TSEN2: variants seen among roughly 807,000 people sequenced by gnomAD.
The protein encoded by TSEN2 is tRNA-splicing endonuclease subunit Sen2.
TSEN2 carries 54 observed loss-of-function variants against 59.2 expected under a neutral mutation model. The ratio of observed to expected loss-of-function variants is 0.91; its 90% CI spans 0.73 to 1.14. The LOEUF (loss-of-function observed/expected upper bound fraction) is 1.14. TSEN2 is among the 50% of genes most tolerant of loss of function. The probability of loss-of-function intolerance (pLI) is 0.00; values close to 1 mark genes in which losing one functional copy is unlikely to be tolerated. For missense variants in TSEN2, 636 were observed against 576.2 expected (o/e 1.10, Z -1.06); for synonymous variants, 195 against 198.2 (o/e 0.98, Z 0.14).
chr3:12,496,255 A>G lies in TSEN2; in HGVS notation c.272-263A>G, dbSNP rs7613355. 0.026 allele frequency among the ~76,000 whole-genome samples: 3,937 copies of G among 152,334 alleles called. 175 individuals carry two copies. Among genetic ancestry groups the G allele is most frequent in the African/African-American group, 0.088 (3,667 of 41,570 alleles). On this transcript the variant is annotated intron_variant, in intron 3 of 11. Transcript: ENST00000284995. ...GTTTCCTCCTGTGCTGTTGCTGCTT[A>G]GCTGGAGCCCTGAGTTGAGAAGAAT...
chr3:12,528,775 T>C, intron 8 of TSEN2, 113 bp from the exon 9 acceptor site: 1 of 1,058,554 alleles, frequency 9.4e-7, no homozygotes, highest in Non-Finnish European at 1.4e-6. Flanking sequence ...GATTATTGAG[T>C]ATTTGCTTCC....
intron 7 of TSEN2, among the ~76,000 whole-genome samples, chr3:12,517,978 G>T (rs1575406084): frequency 6.6e-6 from 1 of 152,018 alleles, no homozygotes; most frequent in Non-Finnish European, 1.5e-5. Flanking sequence ...TATAATCTTA[G>T]GCTGGGACAA....
At position 12,486,993 on chromosome 3, in the gene TSEN2, AACATTCACAT is replaced by A. The variant is rs1295547158; in HGVS notation, c.-18+2117_-18+2126del. ...TGCTATTATGAATAATACTGTTGTGAACATTCACATACAAATTTTTCCATGAACATATGTT... is the reference window on the plus strand; with the variant it reads ...TGCTATTATGAATAATACTGTTGTGAACAAATTTTTCCATGAACATATGTT... On this transcript the variant is annotated intron_variant, in intron 1 of 11. Transcript: ENST00000284995. Among the ~76,000 whole-genome samples the A allele has an allele frequency of 3.9e-5, 6 of 152,320 alleles. No individual in the cohort carries two copies. The East Asian group carries it at 1.2e-3, about 29-fold the overall frequency.
chr3:12,489,748 G>A, intron 1 of TSEN2, 36 bp from the exon 2 acceptor site: 1 of 1,575,876 alleles, frequency 6.3e-7, no homozygotes, highest in Non-Finnish European at 8.6e-7. Context: ...GTTATTGATT[G>A]TCTGTTTCTT....
downstream of TSEN2, chr3:12,533,744 A>C (rs185096178): frequency 6.6e-5 from 10 of 151,300 alleles, no homozygotes; most frequent in Admixed American, 2.0e-4. Flanking sequence ...TAGAATACTT[A>C]GGCTAAGGTG....
Position 12,517,357 on chromosome 3 carries a change from C to CAAAAAAAAAAAAAAAAA in TSEN2, c.960+710_960+711insAAAAAAAAAAAAAAAAA, listed in dbSNP as rs10663207. ...TGGGCGACAGACCGAGACTCTGTCT[C>CAAAAAAAAAAAAAAAAA]AAAAAAAAAAAAAAGAATTTGCAGA... On this transcript the variant is annotated intron_variant, in intron 7 of 11. Coordinates refer to ENST00000284995, the MANE Select transcript of TSEN2 (RefSeq NM_025265.4). 8.5e-4 allele frequency among the ~76,000 whole-genome samples: 69 copies of CAAAAAAAAAAAAAAAAA among 81,430 alleles called. 3 individuals carry two copies. The highest frequency in any genetic ancestry group is 6.9e-3 in the South Asian group (19 of 2,746). The allele number at this position is 81,430 out of a possible 152,430, so 53.4% of individuals were successfully genotyped here. A position where few individuals can be genotyped will look rare whatever the true frequency, so the allele number is the denominator to read the frequency against.
At chr3:12,492,428 A>G (rs2053308644) in intron 3 of TSEN2, among the ~76,000 whole-genome samples, 1 of 152,180 alleles carries the variant, frequency 6.6e-6, no homozygotes, top group Admixed American at 6.5e-5. Flanking sequence ...TCAAGTGTTA[A>G]TTGGGCTTTT....
chr3:12,510,547 G>A (rs1342489725), intron 6 of TSEN2, among the ~76,000 whole-genome samples: 2 of 152,220 alleles, frequency 1.3e-5, no homozygotes, highest in Non-Finnish European at 2.9e-5. Flanking sequence ...AGGGTCGGGC[G>A]ACAGCTCTCC....
At chr3:12,490,046 T>C in intron 2 of TSEN2, 57 bp downstream of exon 2, 3 of 1,526,054 alleles carry the variant, frequency 2.0e-6, no homozygotes, top group Non-Finnish European at 2.7e-6. Context: ...CAAGCAGTCC[T>C]TTCCTTCTCC....
downstream of TSEN2, among the ~76,000 whole-genome samples, chr3:12,537,961 G>T (rs2057715864): frequency 6.6e-6 from 1 of 152,150 alleles, no homozygotes; most frequent in Admixed American, 6.5e-5. Context: ...GGGCAAATTG[G>T]AATTCTTTCA....
chr3:12,505,287 T>A, intron 6 of TSEN2, 56 bp downstream of exon 6: 2 of 1,055,970 alleles, frequency 1.9e-6, no homozygotes, highest in Non-Finnish European at 3.0e-6. Flanking sequence ...TGAACTACAC[T>A]ATATGTGAAC....
At position 12,519,198 on chromosome 3, in the gene TSEN2, G is replaced by A. The variant is rs149417061; in HGVS notation, c.1099+1G>A. The A allele has an allele frequency of 4.6e-5, 74 of 1,614,186 alleles. No homozygotes were observed. The highest frequency in any genetic ancestry group is 1.8e-4 in the South Asian group (16 of 91,084). On this transcript the variant is annotated splice_donor_variant, in intron 8 of 11. Transcript: ENST00000284995. LOFTEE classifies it high-confidence loss of function. Reference sequence around the variant, plus strand: ...GGACTCAAGTACGGGACAGATTTACGTAAGTAATTCTTGGCGTGGTGTGTG... The same window carrying A: ...GGACTCAAGTACGGGACAGATTTACATAAGTAATTCTTGGCGTGGTGTGTG...
At chr3:12,516,510 G>T in intron 6 of TSEN2, 101 bp from the exon 7 acceptor site, 1 of 957,874 alleles carries the variant, frequency 1.0e-6, no homozygotes, top group South Asian at 1.3e-5. Context: ...GATGACTTAA[G>T]AGCATTTGTA....
downstream of TSEN2, among the ~76,000 whole-genome samples, chr3:12,536,819 T>C (rs2057682498): frequency 6.6e-6 from 1 of 151,812 alleles, no homozygotes; most frequent in Non-Finnish European, 1.5e-5. Flanking sequence ...GTGGCCAACA[T>C]GGTGAAACCC....
At position 12,492,242 on chromosome 3, in the gene TSEN2, C is replaced by A. The variant is rs780028591; in HGVS notation, c.271+25C>A. ...GGTAAAGTTGTTGTATCATTCAGTT[C>A]TTTTGACAAATTAATCATTTTCCTT... On this transcript the variant is annotated intron_variant, in intron 3 of 11. Coordinates refer to ENST00000284995, the MANE Select transcript of TSEN2 (RefSeq NM_025265.4). The A allele has an allele frequency of 3.2e-6, 5 of 1,574,200 alleles. No individual in the cohort carries two copies. In the South Asian group the frequency reaches 3.3e-5, roughly 10 times the overall value.
At chr3:12,520,705 G>A (rs2056568898) in intron 8 of TSEN2, among the ~76,000 whole-genome samples, 1 of 151,954 alleles carries the variant, frequency 6.6e-6, no homozygotes, top group African/African-American at 2.4e-5. Flanking sequence ...CAGGAAAATT[G>A]CTTGATCCCG....
At chr3:12,530,132 G>T in intron 10 of TSEN2, 1 of 1,375,446 alleles carries the variant, frequency 7.3e-7, no homozygotes, top group African/African-American at 1.5e-5. Context: ...AGTGTCCCAT[G>T]GTGATCTGAT....
In TSEN2 at chr3:12,489,858, G is replaced by C. The variant is rs142418832; in HGVS notation, c.58G>C (p.Glu20Gln). Residue 20 changes from glutamate to glutamine, a missense_variant, in exon 2 of 12, where the codon GAG becomes CAG. Transcript: ENST00000284995. Reference protein sequence around the residue: ...KRKRRVYETYESPLPIPFGQD... With the variant: ...KRKRRVYETYQSPLPIPFGQD... ...GAAAAGAAGAGTGTATGAGACTTAC[G>C]AGTCTCCATTGCCAATCCCTTTTGG... 2 of 1,613,822 alleles carry C rather than the reference G, an allele frequency of 1.2e-6. No individual in the cohort carries two copies. Among genetic ancestry groups the C allele is most frequent in the Non-Finnish European group, 1.7e-6 (2 of 1,179,990 alleles).
chr3:12,497,526 C>T (rs1390930031), intron 4 of TSEN2, among the ~76,000 whole-genome samples: 2 of 152,122 alleles, frequency 1.3e-5, no homozygotes, highest in Non-Finnish European at 2.9e-5. Flanking sequence ...GTGGGAGGGA[C>T]CTGCTAAGAA....
Sources: gnomAD v4.1 joint callset for allele counts (sites outside exome capture counted in the v4.1 genomes callset) on GRCh38, gnomAD v4.1.1 for gene constraint, MANE v1.5 for transcripts, NCBI Gene and HGNC (gene_info 2026-07-23, HGNC 2026-07-21) for gene names.